GALNT17: variants seen among roughly 807,000 people sequenced by gnomAD.
GALNT17 encodes UDP-GalNAc:polypeptide N-acetylgalactosaminyltransferase-like 3.
Under a neutral mutation model 63.7 loss-of-function variants are expected in GALNT17, and 29 were observed. The ratio of observed to expected loss-of-function variants is 0.46; its 90% CI spans 0.34 to 0.62. The LOEUF is 0.62. GALNT17 is among the 20% of genes least tolerant of loss of function. The pLI, the probability that GALNT17 is intolerant of heterozygous loss-of-function variation, is 0.01. For missense variants in GALNT17, 603 were observed against 799.6 expected (o/e 0.75, Z 2.97); for synonymous variants, 305 against 318.3 (o/e 0.96, Z 0.45).
intron 6 of GALNT17, among the ~76,000 whole-genome samples, chr7:71,633,379 G>A (rs1260684046): frequency 6.6e-6 from 1 of 152,102 alleles, no homozygotes; most frequent in Non-Finnish European, 1.5e-5. Context: ...CCTGCAAAGG[G>A]GCAGACTGAG....
chr7:71,675,221 C>T (rs981093116), intron 8 of GALNT17, among the ~76,000 whole-genome samples: 1 of 152,100 alleles, frequency 6.6e-6, no homozygotes, highest in African/African-American at 2.4e-5. Flanking sequence ...CTTGTTGGCC[C>T]TAGCATATTT....
chr7:71,235,906 A>G (rs189761403), intron 1 of GALNT17, among the ~76,000 whole-genome samples: 1 of 152,310 alleles, frequency 6.6e-6, no homozygotes, highest in Admixed American at 6.5e-5. Context: ...TTGGTCAGGC[A>G]CAGTGGCTTA....
At chr7:71,377,106 ATAAAAAAAATATAT>A (rs1383352505) in intron 2 of GALNT17, among the ~76,000 whole-genome samples, 3 of 50,510 alleles carry the variant, frequency 5.9e-5, no homozygotes, top group African/African-American at 2.0e-4. Context: ...AAAAATAAAA[ATAAAAAAAATATAT>A]ATATATATAT....
intron 9 of GALNT17, among the ~76,000 whole-genome samples, chr7:71,682,792 T>C (rs1427366707): frequency 6.6e-6 from 1 of 152,110 alleles, no homozygotes; most frequent in Admixed American, 6.6e-5. Context: ...CCTCTGGAAC[T>C]CCTGATCTCA....
intron 5 of GALNT17, among the ~76,000 whole-genome samples, chr7:71,467,750 G>A (rs1167870746): frequency 1.3e-5 from 2 of 151,658 alleles, no homozygotes; most frequent in Non-Finnish European, 2.9e-5. Flanking sequence ...TAGACAACAG[G>A]GAACATGGAA....
chr7:71,524,694 AT>A (rs1788595656), intron 5 of GALNT17, among the ~76,000 whole-genome samples: 1 of 152,164 alleles, frequency 6.6e-6, no homozygotes, highest in Non-Finnish European at 1.5e-5. Context: ...TAGGTCTCTG[AT>A]TTTTATAGGT....
intron 5 of GALNT17, among the ~76,000 whole-genome samples, chr7:71,440,939 T>G (rs1787055223): frequency 6.6e-6 from 1 of 152,168 alleles, no homozygotes; most frequent in South Asian, 2.1e-4. Flanking sequence ...TCTCCTCTTG[T>G]TTATGGAAAT....
At chr7:71,338,815 C>T (rs1178116307) in intron 2 of GALNT17, among the ~76,000 whole-genome samples, 1 of 152,112 alleles carries the variant, frequency 6.6e-6, no homozygotes, top group Non-Finnish European at 1.5e-5. Flanking sequence ...AGTTAAGTGT[C>T]TTGGTTACTG....
In GALNT17 at chr7:71,456,176, G is replaced by A. The variant is rs566079870; in HGVS notation, c.962+35071G>A. On this transcript the variant is annotated intron_variant, in intron 5 of 10. Transcript: ENST00000333538. ...CAGGAGAATTGCTTGAACCTGGGGG[G>A]CAGAGGTTGCAGTGAGGCGAGATCG... 1.3e-4 allele frequency among the ~76,000 whole-genome samples: 20 copies of A among 152,122 alleles called. No homozygotes were observed. In the East Asian group the frequency reaches 2.3e-3, roughly 18 times the overall value.
chr7:71,530,743 A>G (rs535216501), intron 5 of GALNT17, among the ~76,000 whole-genome samples: 17 of 151,484 alleles, frequency 1.1e-4, no homozygotes, highest in East Asian at 3.9e-4. Flanking sequence ...AATTTTTTCT[A>G]TTTTTTAGTA....
At chr7:71,668,457 G>A (rs1009983822) in intron 7 of GALNT17, among the ~76,000 whole-genome samples, 8 of 120,472 alleles carry the variant, frequency 6.6e-5, no homozygotes, top group Admixed American at 3.7e-4. Context: ...CAGAGGTTGC[G>A]GTGAGCCAAG....
chr7:71,381,773 C>T (rs893190620), intron 2 of GALNT17, among the ~76,000 whole-genome samples: 17 of 151,984 alleles, frequency 1.1e-4, no homozygotes, highest in Admixed American at 9.2e-4. Flanking sequence ...AGCAAGACTC[C>T]GTCTCAGAAA....
At chr7:71,493,270 G>C (rs1322890263) in intron 5 of GALNT17, among the ~76,000 whole-genome samples, 1 of 152,132 alleles carries the variant, frequency 6.6e-6, no homozygotes, top group African/African-American at 2.4e-5. Flanking sequence ...CCAGGCATCT[G>C]TGATGTTGCC....
chr7:71,459,775 TACCTGACAGTCTAGC>T (rs536219811), intron 5 of GALNT17, among the ~76,000 whole-genome samples: 96 of 152,332 alleles, frequency 6.3e-4, no homozygotes, highest in African/African-American at 2.2e-3. Flanking sequence ...CTGAAGAGAT[TACCTGACAGTCTAGC>T]ACCTTTTAAA....
chr7:71,520,111 G>A (rs1584021473), intron 5 of GALNT17, among the ~76,000 whole-genome samples: 1 of 152,274 alleles, frequency 6.6e-6, no homozygotes, highest in African/African-American at 2.4e-5. Flanking sequence ...ATACAGATAT[G>A]TAATTGTAAC....
intron 5 of GALNT17, among the ~76,000 whole-genome samples, chr7:71,429,689 T>G (rs1439550402): frequency 6.6e-6 from 1 of 152,152 alleles, no homozygotes; most frequent in Admixed American, 6.6e-5. Flanking sequence ...ACCACAGGCA[T>G]GTGCCACCAT....
intron 1 of GALNT17, among the ~76,000 whole-genome samples, chr7:71,206,202 A>G (rs1789268828): frequency 6.6e-6 from 1 of 151,108 alleles, no homozygotes; most frequent in Non-Finnish European, 1.5e-5. Context: ...CCAAGTGGTT[A>G]TCTTGTGCTC....
chr7:71,282,205 G>A (rs911534574), intron 1 of GALNT17, among the ~76,000 whole-genome samples: 2 of 152,220 alleles, frequency 1.3e-5, no homozygotes, highest in African/African-American at 4.8e-5. Context: ...ACAAAAGCAT[G>A]TTCATCCTAA....
intron 9 of GALNT17, among the ~76,000 whole-genome samples, chr7:71,691,433 C>T (rs542251928): frequency 1.3e-5 from 2 of 152,162 alleles, no homozygotes; most frequent in Non-Finnish European, 2.9e-5. Flanking sequence ...CTTTTTATTG[C>T]AATATTCGCT....
Sources: allele counts gnomAD v4.1 joint callset (sites outside exome capture counted in the v4.1 genomes callset), GRCh38; gene constraint gnomAD v4.1.1; transcripts MANE v1.5; gene names NCBI Gene and HGNC (gene_info 2026-07-23, HGNC 2026-07-21).